UBE2K: variants seen among roughly 807,000 people sequenced by gnomAD.
The protein encoded by UBE2K is ubiquitin conjugating enzyme E2 K, also known as ubiquitin-conjugating enzyme E2 K.
UBE2K carries 6 observed loss-of-function variants against 30.0 expected under a neutral mutation model. The observed-to-expected ratio is 0.20, with a 90% CI of 0.11 to 0.39. The LOEUF (loss-of-function observed/expected upper bound fraction) is 0.39, where lower values mean the gene tolerates loss of function less well. UBE2K is among the 10% of genes least tolerant of loss of function. The pLI, the probability that UBE2K is intolerant of heterozygous loss-of-function variation, is 1.00. For missense variants in UBE2K, 61 were observed against 241.6 expected, an observed-to-expected ratio of 0.25 and a Z score of 4.96; for synonymous variants, 86 against 83.7, an observed-to-expected ratio of 1.03 and a Z score of -0.15.
chr4:39,702,026 G>T (rs530514405), intron 1 of UBE2K, among the ~76,000 whole-genome samples: 7 of 152,004 alleles, frequency 4.6e-5, no homozygotes, highest in East Asian at 1.9e-4. Context: ...CTCCCAAAGT[G>T]CTGGGGTTAC....
chr4:39,704,817 C>T (rs1303018243), intron 1 of UBE2K, among the ~76,000 whole-genome samples: 6 of 150,402 alleles, frequency 4.0e-5, no homozygotes, highest in Non-Finnish European at 8.9e-5. Context: ...GCTGGGATTA[C>T]AGACGTGAGC....
chr4:39,708,740 G>A (rs376542178), intron 1 of UBE2K, among the ~76,000 whole-genome samples: 11 of 152,166 alleles, frequency 7.2e-5, no homozygotes, highest in African/African-American at 2.6e-4. Context: ...TGAGGCCCAA[G>A]GAGGTTGATT....
intron 1 of UBE2K, among the ~76,000 whole-genome samples, chr4:39,718,539 T>C (rs1719236518): frequency 6.6e-6 from 1 of 152,184 alleles, no homozygotes; most frequent in African/African-American, 2.4e-5. Context: ...GGGCAGTCGA[T>C]GGAACTGGGT....
At chr4:39,699,314 A>G (rs971952159) in intron 1 of UBE2K, among the ~76,000 whole-genome samples, 1 of 151,364 alleles carries the variant, frequency 6.6e-6, no homozygotes, top group South Asian at 2.1e-4. Context: ...CTTGATTCTT[A>G]CTTTTGAAAA....
chr4:39,771,326 C>T, intron 4 of UBE2K: 1 of 1,612,468 alleles, frequency 6.2e-7, no homozygotes, highest in Non-Finnish European at 8.5e-7. Flanking sequence ...CTGTCGGCCA[C>T]AATGGTCACG....
chr4:39,732,877 T>C (rs1292517294), intron 1 of UBE2K, among the ~76,000 whole-genome samples: 1 of 151,904 alleles, frequency 6.6e-6, no homozygotes, highest in Non-Finnish European at 1.5e-5. Flanking sequence ...GGTTTTGCCA[T>C]ATGGGCCAGG....
chr4:39,753,291 G>A (rs926949237), intron 3 of UBE2K, among the ~76,000 whole-genome samples: 4 of 152,110 alleles, frequency 2.6e-5, no homozygotes, highest in African/African-American at 7.2e-5. Context: ...TTTTAAGATG[G>A]ATCACCTGAG....
At chr4:39,766,169 G>T (rs1388775592) in intron 4 of UBE2K, among the ~76,000 whole-genome samples, 1 of 150,468 alleles carries the variant, frequency 6.6e-6, no homozygotes, top group East Asian at 1.9e-4. Flanking sequence ...GTGTGTTTTT[G>T]TCTGTGTGTG....
intron 1 of UBE2K, among the ~76,000 whole-genome samples, chr4:39,700,484 C>G (rs895566880): frequency 1.3e-5 from 2 of 152,118 alleles, no homozygotes; most frequent in African/African-American, 4.8e-5. Context: ...AGGGTCACAT[C>G]ATTTAATCTT....
intron 4 of UBE2K, among the ~76,000 whole-genome samples, chr4:39,768,085 T>C (rs1167833165): frequency 6.6e-6 from 1 of 152,108 alleles, no homozygotes; most frequent in African/African-American, 2.4e-5. Context: ...AAACATTCTC[T>C]TTGAAATTAC....
chr4:39,702,317 C>T (rs1340090710), intron 1 of UBE2K, among the ~76,000 whole-genome samples: 3 of 138,700 alleles, frequency 2.2e-5, no homozygotes, highest in Non-Finnish European at 3.0e-5. Flanking sequence ...TGCAATGGCG[C>T]GATCTTGGCT....
chr4:39,706,488 T>C (rs56850855), intron 1 of UBE2K, among the ~76,000 whole-genome samples: 4,726 of 150,492 alleles, frequency 0.031, 222 homozygotes, highest in African/African-American at 0.1. Flanking sequence ...TTTTTTTTTT[T>C]CCCAGATGGA....
intron 1 of UBE2K, among the ~76,000 whole-genome samples, chr4:39,725,536 G>A (rs78060790): frequency 0.019 from 2,841 of 152,204 alleles, 98 homozygotes; most frequent in African/African-American, 0.064. Context: ...GGCTGGGATT[G>A]GGTTTTTCAC....
At chr4:39,777,927 G>GGT in intron 6 of UBE2K, 117 bp downstream of exon 6, 1 of 968,252 alleles carries the variant, frequency 1.0e-6, no homozygotes, top group Non-Finnish European at 1.4e-6. Flanking sequence ...GGGCAACATG[G>GGT]CGAAACCCAT....
chr4:39,765,387 G>A (rs1712248944), intron 4 of UBE2K, among the ~76,000 whole-genome samples: 2 of 151,968 alleles, frequency 1.3e-5, no homozygotes, highest in Non-Finnish European at 2.9e-5. Context: ...AGCCAGGCAT[G>A]GTGGCGTGAG....
chr4:39,741,516 G>C (rs778375137), intron 2 of UBE2K, among the ~76,000 whole-genome samples: 74 of 152,228 alleles, frequency 4.9e-4, no homozygotes, highest in Non-Finnish European at 1.0e-3. Context: ...AGTTTTTTGA[G>C]TTTTTAAAAA....
intron 1 of UBE2K, among the ~76,000 whole-genome samples, chr4:39,729,864 T>C (rs1719976881): frequency 6.6e-6 from 1 of 152,264 alleles, no homozygotes; most frequent in Non-Finnish European, 1.5e-5. Flanking sequence ...CCTTAAGTGC[T>C]GGCTTTTCCT....
chr4:39,749,568 A>G (rs1015643352), intron 3 of UBE2K, among the ~76,000 whole-genome samples: 3 of 152,128 alleles, frequency 2.0e-5, no homozygotes, highest in African/African-American at 4.8e-5. Flanking sequence ...AGTCTCAGCT[A>G]CTCAGGAGGC....
chr4:39,746,227 A>G (rs1463050211), intron 3 of UBE2K, among the ~76,000 whole-genome samples: 2 of 152,178 alleles, frequency 1.3e-5, no homozygotes, highest in Non-Finnish European at 2.9e-5. Flanking sequence ...AGCAGTAACT[A>G]AGACTTATAC....
Sources: gnomAD v4.1 joint callset for allele counts (sites outside exome capture counted in the v4.1 genomes callset) on GRCh38, gnomAD v4.1.1 for gene constraint, MANE v1.5 for transcripts, NCBI Gene and HGNC (gene_info 2026-07-23, HGNC 2026-07-21) for gene names.